The following KAZN variants were observed in gnomAD, a reference collection of about 807,000 sequenced individuals.
KAZN encodes kazrin, periplakin interacting protein, also known as kazrin.
A neutral mutation model predicts 87.4 loss-of-function variants in KAZN; 40 were observed. The observed-to-expected ratio is 0.46, with a 90% CI of 0.36 to 0.60. KAZN has a LOEUF of 0.60. Among genes scored for constraint, KAZN ranks in the 20% least tolerant of loss-of-function variants. The pLI is 0.00. For synonymous variants in KAZN, 466 were observed against 458.3 expected, an observed-to-expected ratio of 1.02 and a Z score of -0.22; for missense variants, 898 against 1,073.9, an observed-to-expected ratio of 0.84 and a Z score of 2.29.
intron 2 of KAZN, among the ~76,000 whole-genome samples, chr1:14,514,588 T>A (rs1195427792): frequency 0.023 from 1,369 of 59,060 alleles, 109 homozygotes; most frequent in East Asian, 0.031. Context: ...ATATATTTTT[T>A]TATATTTTAT....
At chr1:14,474,530 A>C (rs901915560) in intron 2 of KAZN, among the ~76,000 whole-genome samples, 1 of 152,242 alleles carries the variant, frequency 6.6e-6, no homozygotes, top group Non-Finnish European at 1.5e-5. Context: ...CGAACAGTTG[A>C]CCGGCATAGC....
chr1:14,614,197 A>G (rs1678036902), intron 1 of KAZN, among the ~76,000 whole-genome samples: 1 of 152,216 alleles, frequency 6.6e-6, no homozygotes, highest in African/African-American at 2.4e-5. Flanking sequence ...ACACTGGATA[A>G]TGGCCTAATC....
intron 2 of KAZN, among the ~76,000 whole-genome samples, chr1:14,455,233 C>T (rs1667501757): frequency 6.6e-6 from 1 of 152,200 alleles, no homozygotes; most frequent in African/African-American, 2.4e-5. Flanking sequence ...TATATCCATT[C>T]AGTTATCATA....
Position 14,619,618 on chromosome 1 carries a change from G to A in KAZN, c.226+20395G>A, listed in dbSNP as rs1324821640. 3.3e-5 allele frequency among the ~76,000 whole-genome samples: 5 copies of A among 152,126 alleles called. No individual in the cohort carries two copies. In the East Asian group the frequency reaches 7.7e-4, roughly 23 times the overall value. ...GTACTTTCACGATGTTTTGCAACCC[G>A]TGCCACTATCTAGTTCCAGAACCTT... On this transcript the variant is annotated intron_variant, in intron 1 of 14. Coordinates refer to ENST00000376030, the MANE Select transcript of KAZN (RefSeq NM_201628.3).
At chr1:14,028,445 A>G (rs925336606) in intron 1 of KAZN, among the ~76,000 whole-genome samples, 1 of 152,200 alleles carries the variant, frequency 6.6e-6, no homozygotes, top group Non-Finnish European at 1.5e-5. Context: ...CCAGCCAGCC[A>G]GCCGGATGTT....
At position 14,695,510 on chromosome 1, in the gene KAZN, C is replaced by CTTTTTTTTTTTTT. The variant is rs112667110; in HGVS notation, c.226+96290_226+96302dup. 5.4e-3 allele frequency among the ~76,000 whole-genome samples: 460 copies of CTTTTTTTTTTTTT among 84,964 alleles called. 68 individuals are homozygous for CTTTTTTTTTTTTT. The highest frequency in any genetic ancestry group is 8.8e-3 in the African/African-American group (242 of 27,558). The allele number at this position is 84,964 out of a possible 152,430, so 55.7% of individuals were successfully genotyped here. Reference sequence around the variant, plus strand: ...CCTCTTTCCCCAGACTACATTCCATCTTTTTTTTTTTTTTTGATGGAGTCT... The same window carrying CTTTTTTTTTTTTT: ...CCTCTTTCCCCAGACTACATTCCATCTTTTTTTTTTTTTTTTTTTTTTTTTTTTGATGGAGTCT... On this transcript the variant is annotated intron_variant, in intron 1 of 14. Transcript: ENST00000376030.
At chr1:15,065,027 C>CTT (rs780410306) in intron 7 of KAZN, among the ~76,000 whole-genome samples, 11,503 of 102,614 alleles carry the variant, frequency 0.11, 980 homozygotes, top group Middle Eastern at 0.19. Context: ...CTTTTTCTTT[C>CTT]TTTTTTTTTT....
intron 2 of KAZN, among the ~76,000 whole-genome samples, chr1:14,339,337 T>TA (rs1163521208): frequency 6.6e-6 from 1 of 152,082 alleles, no homozygotes; most frequent in African/African-American, 2.4e-5. Context: ...AAATATGAAT[T>TA]AAATCTCTCC....
At chr1:14,276,065 G>T (rs1201860341) in intron 2 of KAZN, among the ~76,000 whole-genome samples, 1 of 152,060 alleles carries the variant, frequency 6.6e-6, no homozygotes, top group Admixed American at 6.5e-5. Context: ...TGAGGCCAAG[G>T]CTGCCCTCCC....
At position 15,117,272 on chromosome 1, in the gene KAZN, G is replaced by C; in HGVS notation, c.*2637G>C. 6.6e-6 allele frequency: 1 copy of C among 152,488 alleles called. No homozygotes were observed. The highest frequency in any genetic ancestry group is 1.5e-5 in the Non-Finnish European group (1 of 68,282). The allele number at this position is 152,488 out of a possible 1,614,324, so 9.4% of individuals were successfully genotyped here. On this transcript the variant is annotated 3_prime_UTR_variant, in exon 15 of 15. Transcript: ENST00000376030. Reference sequence around the variant, plus strand: ...CGAGTGTGGTCTTGGTCCCTGCAGGGCAATGTGGGCATCTGGACCTGGGGA... The same window carrying C: ...CGAGTGTGGTCTTGGTCCCTGCAGGCCAATGTGGGCATCTGGACCTGGGGA...
chr1:14,505,737 G>T (rs547342696), intron 2 of KAZN, among the ~76,000 whole-genome samples: 1 of 152,350 alleles, frequency 6.6e-6, no homozygotes, highest in East Asian at 1.9e-4. Context: ...ACTTTGGGAG[G>T]CCGAGGTGGG....
intron 1 of KAZN, among the ~76,000 whole-genome samples, chr1:14,833,938 A>C (rs1280274707): frequency 2.6e-5 from 4 of 151,860 alleles, no homozygotes; most frequent in African/African-American, 9.7e-5. Flanking sequence ...TTGTTACCAC[A>C]CAAAAGGACT....
intron 5 of KAZN, among the ~76,000 whole-genome samples, chr1:15,059,668 A>G (rs1342239806): frequency 6.6e-6 from 1 of 152,120 alleles, no homozygotes; most frequent in Non-Finnish European, 1.5e-5. Flanking sequence ...ATATGGGGGA[A>G]AGAGAGAAAG....
intron 1 of KAZN, among the ~76,000 whole-genome samples, chr1:14,804,388 C>T (rs10927553): frequency 0.18 from 27,344 of 152,090 alleles, 2,789 homozygotes; most frequent in African/African-American, 0.27. Flanking sequence ...GGCTTACAAG[C>T]CTCTGGCTTG....
chr1:14,419,572 G>A (rs1665189076), intron 2 of KAZN, among the ~76,000 whole-genome samples: 2 of 152,218 alleles, frequency 1.3e-5, no homozygotes, highest in Admixed American at 1.3e-4. Flanking sequence ...CTTCAAGAAC[G>A]AAGCCGTGGA....
At chr1:14,517,104 C>T (rs1671339652) in intron 2 of KAZN, among the ~76,000 whole-genome samples, 1 of 152,136 alleles carries the variant, frequency 6.6e-6, no homozygotes, top group Non-Finnish European at 1.5e-5. Flanking sequence ...AATACCTACA[C>T]CTGGCCAACC....
intron 1 of KAZN, among the ~76,000 whole-genome samples, chr1:14,060,090 G>T (rs74676493): frequency 0.053 from 8,046 of 151,990 alleles, 585 homozygotes; most frequent in African/African-American, 0.16. Context: ...TGAGCCTGGG[G>T]GCAGTGGTTC....
chr1:14,523,682 T>C (rs1671703638), intron 2 of KAZN, among the ~76,000 whole-genome samples: 1 of 152,186 alleles, frequency 6.6e-6, no homozygotes, highest in Non-Finnish European at 1.5e-5. Flanking sequence ...TCTGAATCCC[T>C]TACTTCCTCT....
intron 1 of KAZN, among the ~76,000 whole-genome samples, chr1:14,602,369 T>C (rs1677046843): frequency 6.6e-6 from 1 of 152,178 alleles, no homozygotes; most frequent in Non-Finnish European, 1.5e-5. Context: ...ATGAGAATGC[T>C]GGCGTACAGT....
Sources: allele counts gnomAD v4.1 joint callset (sites outside exome capture counted in the v4.1 genomes callset), GRCh38; gene constraint gnomAD v4.1.1; transcripts MANE v1.5; gene names NCBI Gene and HGNC (gene_info 2026-07-23, HGNC 2026-07-21).